The following ASIC2 variants were observed in gnomAD, a reference collection of about 807,000 sequenced individuals.
ASIC2 encodes the protein acid sensing ion channel subunit 2.
In ASIC2, 25 loss-of-function variants were observed where a neutral mutation model predicts 57.3. The ratio of observed to expected loss-of-function variants is 0.44; its 90% CI spans 0.32 to 0.61. The LOEUF (loss-of-function observed/expected upper bound fraction) is 0.61. ASIC2 is among the 20% of genes least tolerant of loss of function. The probability of loss-of-function intolerance (pLI) is 0.06; values close to 1 mark genes in which losing one functional copy is unlikely to be tolerated. For missense variants in ASIC2, 641 were observed against 738.1 expected, an observed-to-expected ratio of 0.87 and a Z score of 1.52; for synonymous variants, 319 against 307.5, an observed-to-expected ratio of 1.04 and a Z score of -0.39.
At chr17:33,110,475 G>A (rs1310076433) in intron 2 of ASIC2, among the ~76,000 whole-genome samples, 1 of 152,228 alleles carries the variant, frequency 6.6e-6, no homozygotes, top group Non-Finnish European at 1.5e-5. Flanking sequence ...GAGAGTGGCT[G>A]ATGGGGCTCG....
At chr17:33,770,564 AT>A (rs1263662676) in intron 1 of ASIC2, among the ~76,000 whole-genome samples, 1 of 151,934 alleles carries the variant, frequency 6.6e-6, no homozygotes, top group Non-Finnish European at 1.5e-5. Context: ...GATGATGCTA[AT>A]TTTTTTCCCA....
Position 33,021,601 on chromosome 17 carries a change from C to T in ASIC2, c.1350-291G>A, listed in dbSNP as rs149434102. ...GTCCTGCCTGGCTTCCAGGCCTCTGCGCCTCCAAAGGGCCTGCCTCGTCCT... is the reference window on the plus strand; with the variant it reads ...GTCCTGCCTGGCTTCCAGGCCTCTGTGCCTCCAAAGGGCCTGCCTCGTCCT... On this transcript the variant is annotated intron_variant, in intron 6 of 9. Transcript: ENST00000225823. Among the ~76,000 whole-genome samples, 7 of 152,362 alleles carry T rather than the reference C, an allele frequency of 4.6e-5. No homozygotes were observed. The East Asian group carries it at 7.7e-4, about 17-fold the overall frequency.
chr17:34,156,059 G>A lies in ASIC2; in HGVS notation c.474C>T (p.His158=), dbSNP rs61748942. Residue 158 remains histidine, a synonymous_variant, in exon 1 of 10, where the codon CAC becomes CAT. Transcript: ENST00000359872. This position sits in a 1 kb window ranked among gnomAD's most constrained non-coding sequence, Gnocchi z 4.4. ...TATCCTTCAGGTCATGGCCCACACG[G>A]TGCAGGAACTCCAGCATGCTGAACT... The A allele has an allele frequency of 4.5e-3, 7,254 of 1,613,972 alleles. 249 individuals are homozygous for A. The African/African-American group carries it at 0.082, about 18-fold the overall frequency.
chr17:33,599,616 A>C (rs939193801), intron 1 of ASIC2, among the ~76,000 whole-genome samples: 7 of 152,218 alleles, frequency 4.6e-5, no homozygotes, highest in African/African-American at 1.7e-4. Context: ...CTGAGGCTGC[A>C]TAATAGGATG....
chr17:34,036,400 A>C (rs1907880383), intron 1 of ASIC2, among the ~76,000 whole-genome samples: 3 of 149,488 alleles, frequency 2.0e-5, no homozygotes, highest in Admixed American at 6.6e-5. Context: ...GAGGGATAGC[A>C]TTAGGAGATA....
chr17:33,329,923 AG>A (rs1907242209), intron 1 of ASIC2, among the ~76,000 whole-genome samples: 1 of 152,146 alleles, frequency 6.6e-6, no homozygotes, highest in African/African-American at 2.4e-5. Context: ...ACTTGGGGCA[AG>A]AGGGGAACGG....
At chr17:34,077,074 G>A (rs1265088248) in intron 1 of ASIC2, among the ~76,000 whole-genome samples, 2 of 152,232 alleles carry the variant, frequency 1.3e-5, no homozygotes, top group Non-Finnish European at 2.9e-5. Context: ...ATTTGCCCAA[G>A]ATGGTCCTGT....
At chr17:33,857,588 G>C (rs1913995401) in intron 1 of ASIC2, among the ~76,000 whole-genome samples, 1 of 152,192 alleles carries the variant, frequency 6.6e-6, no homozygotes, top group Non-Finnish European at 1.5e-5. Context: ...GACCTTTAAT[G>C]TCATTAAATC....
chr17:33,495,261 G>A (rs1410878014), intron 1 of ASIC2, among the ~76,000 whole-genome samples: 2 of 152,102 alleles, frequency 1.3e-5, no homozygotes, highest in Non-Finnish European at 1.5e-5. Flanking sequence ...TAAAAATCTT[G>A]CCAGGGATTC....
At chr17:34,037,976 G>A in intron 1 of ASIC2, 1 of 1,613,624 alleles carries the variant, frequency 6.2e-7, no homozygotes, top group Non-Finnish European at 8.5e-7. Flanking sequence ...GATCTTTGGT[G>A]GTTCTTTCCC....
At chr17:33,760,966 C>T (rs923666849) in intron 1 of ASIC2, among the ~76,000 whole-genome samples, 2 of 152,168 alleles carry the variant, frequency 1.3e-5, no homozygotes, top group South Asian at 2.1e-4. Flanking sequence ...AGCAGACTGG[C>T]TCTTGTATTC....
chr17:33,829,579 CTTT>C (rs34205959), intron 1 of ASIC2, among the ~76,000 whole-genome samples: 3 of 138,906 alleles, frequency 2.2e-5, no homozygotes, highest in Non-Finnish European at 3.1e-5. Flanking sequence ...TTAAACTTTT[CTTT>C]TTTTTTTTTT....
chr17:34,102,905 A>T (rs562288469), intron 1 of ASIC2, among the ~76,000 whole-genome samples: 1 of 152,208 alleles, frequency 6.6e-6, no homozygotes, highest in Admixed American at 6.5e-5. Context: ...CCAGTAATGG[A>T]CAGGCATTTC....
chr17:33,925,198 T>C (rs1915798613), intron 1 of ASIC2, among the ~76,000 whole-genome samples: 1 of 152,244 alleles, frequency 6.6e-6, no homozygotes, highest in Non-Finnish European at 1.5e-5. Context: ...TCCTTAACCC[T>C]TCCAATGCTC....
At chr17:33,891,979 C>T (rs1914973476) in intron 1 of ASIC2, among the ~76,000 whole-genome samples, 1 of 152,158 alleles carries the variant, frequency 6.6e-6, no homozygotes, top group African/African-American at 2.4e-5. Flanking sequence ...TCCCTTCTGA[C>T]ATTGTGTGCA....
At chr17:33,668,179 C>A (rs1258791794) in intron 1 of ASIC2, among the ~76,000 whole-genome samples, 1 of 152,042 alleles carries the variant, frequency 6.6e-6, no homozygotes, top group Admixed American at 6.6e-5. Flanking sequence ...ATTGCTCCCC[C>A]TGCCTGGAGA....
intron 9 of ASIC2, 140 bp from the exon 10 acceptor site, chr17:33,014,206 T>C (rs2091794069): frequency 1.4e-6 from 1 of 704,736 alleles, no homozygotes; most frequent in African/African-American, 1.8e-5. Flanking sequence ...GATAGGCTAG[T>C]TTACCATCTT....
At chr17:34,031,304 A>G (rs8078563) in intron 1 of ASIC2, among the ~76,000 whole-genome samples, 54,395 of 152,054 alleles carry the variant, frequency 0.36, 11,621 homozygotes, top group African/African-American at 0.6. Flanking sequence ...TGAGGGTCCT[A>G]TCTGTTAGAA....
intron 1 of ASIC2, among the ~76,000 whole-genome samples, chr17:33,675,513 G>A (rs1907790782): frequency 6.6e-6 from 1 of 152,198 alleles, no homozygotes; most frequent in Non-Finnish European, 1.5e-5. Context: ...ACACAGATGA[G>A]CTTCACGGCC....
Sources: gnomAD v4.1 joint callset for allele counts (sites outside exome capture counted in the v4.1 genomes callset) on GRCh38, gnomAD v4.1.1 for gene constraint, Gnocchi (gnomAD v3.1) non-coding constraint, MANE v1.5 for transcripts, NCBI Gene and HGNC (gene_info 2026-07-23, HGNC 2026-07-21) for gene names.